Variants in MICAL3 observed in about 807,000 individuals in gnomAD.
The protein encoded by MICAL3 is microtubule associated monooxygenase, calponin and LIM domain containing 3.
Under a neutral mutation model 207.4 loss-of-function variants are expected in MICAL3, and 62 were observed. That is an observed-to-expected ratio of 0.30 (90% confidence interval 0.24 to 0.37). The LOEUF is 0.37. MICAL3 is among the 10% of genes least tolerant of loss of function. The pLI is 1.00. For synonymous variants in MICAL3, 1,077 were observed against 1,069.3 expected, an observed-to-expected ratio of 1.01 and a Z score of -0.14; for missense variants, 2,368 against 2,635.6, an observed-to-expected ratio of 0.90 and a Z score of 2.22.
At chr22:17,916,640 A>G (rs933133956) in intron 1 of MICAL3, among the ~76,000 whole-genome samples, 3 of 152,164 alleles carry the variant, frequency 2.0e-5, no homozygotes, top group Non-Finnish European at 4.4e-5. Context: ...ACCTGTCTGC[A>G]GCACAAGTCA....
At chr22:17,971,415 G>A (rs1028387826) in intron 1 of MICAL3, among the ~76,000 whole-genome samples, 6 of 152,182 alleles carry the variant, frequency 3.9e-5, no homozygotes, top group South Asian at 4.2e-4. Flanking sequence ...CCCGGGAGGC[G>A]GAGGTTGCAG....
chr22:17,831,990 C>T lies in MICAL3; in HGVS notation c.2919G>A (p.Leu973=), dbSNP rs1182898080. The change falls in exon 21 of 32, where the codon CTG becomes CTA. Residue 973 remains leucine (L), a synonymous_variant. Transcript: ENST00000441493. ...WKEAVRIHAL[L]KGKSEEELEA... Reference sequence around the variant, plus strand: ...CTAGCTCCTCTTCACTTTTCCCTTTCAGAAGGGCATGGATCCGCACGGCCT... The same window carrying T: ...CTAGCTCCTCTTCACTTTTCCCTTTTAGAAGGGCATGGATCCGCACGGCCT... 6.2e-7 allele frequency: 1 copy of T among 1,604,680 alleles called. No individual in the cohort carries two copies. The highest frequency in any genetic ancestry group is 8.5e-7 in the Non-Finnish European group (1 of 1,175,734).
chr22:17,863,051 C>T, intron 19 of MICAL3: 1 of 985,428 alleles, frequency 1.0e-6, no homozygotes, highest in Non-Finnish European at 1.2e-6. Flanking sequence ...CATCCTCTCT[C>T]CCCACTATGT....
intron 1 of MICAL3, among the ~76,000 whole-genome samples, chr22:17,983,944 A>C (rs972304387): frequency 6.6e-6 from 1 of 152,198 alleles, no homozygotes; most frequent in African/African-American, 2.4e-5. Flanking sequence ...GAGAAGAAAA[A>C]AATATGAAAA....
At chr22:17,856,814 G>T (rs890570339) in intron 19 of MICAL3, among the ~76,000 whole-genome samples, 1 of 151,800 alleles carries the variant, frequency 6.6e-6, no homozygotes, top group Non-Finnish European at 1.5e-5. Context: ...GTAGAGACGG[G>T]GTTTCACCTT....
intron 1 of MICAL3, among the ~76,000 whole-genome samples, chr22:17,913,993 C>G (rs1376983721): frequency 1.3e-5 from 2 of 152,140 alleles, no homozygotes; most frequent in East Asian, 3.9e-4. Flanking sequence ...ATGAAAATCA[C>G]AGGGTTTTGT....
In MICAL3 at chr22:17,841,583, GGAC is replaced by G; in HGVS notation, c.2801+236_2801+238del. ...TTCCCAATGACAGACTTGGAGCTGGGGACATGTCAGGTCCTCAAGGAATAAATA... is the reference window on the plus strand; with the variant it reads ...TTCCCAATGACAGACTTGGAGCTGGGATGTCAGGTCCTCAAGGAATAAATA... On this transcript the variant is annotated intron_variant, in intron 20 of 31. Transcript: ENST00000441493. The surrounding 1 kb of genome is among the most constrained non-coding windows in gnomAD (Gnocchi z 4.2). The G allele has an allele frequency of 1.7e-6, 1 of 580,936 alleles. No individual in the cohort carries two copies. The allele number at this position is 580,936 out of a possible 1,614,324, so 36.0% of individuals were successfully genotyped here.
chr22:17,993,703 C>T (rs1921949544), intron 1 of MICAL3, among the ~76,000 whole-genome samples: 1 of 152,094 alleles, frequency 6.6e-6, no homozygotes, highest in African/African-American at 2.4e-5. Context: ...GACTCTGCCC[C>T]CTGAGAAGCA....
chr22:17,828,265 C>T (rs935296076), intron 21 of MICAL3, among the ~76,000 whole-genome samples: 6 of 152,242 alleles, frequency 3.9e-5, no homozygotes, highest in Non-Finnish European at 8.8e-5. Flanking sequence ...CACCACCACT[C>T]GCCCAGCTGA....
At chr22:17,886,988 CAAAAAAAAAAAAAAAAA>C (rs55999508) in intron 15 of MICAL3, among the ~76,000 whole-genome samples, 165 bp downstream of exon 15, 5 of 41,350 alleles carry the variant, frequency 1.2e-4, no homozygotes, top group Non-Finnish European at 2.3e-4. Flanking sequence ...ACTCTTGTCT[CAAAAAAAAAAAAAAAAA>C]AAAAAAAAAA....
At chr22:18,018,659 T>C (rs1443779487) in intron 1 of MICAL3, among the ~76,000 whole-genome samples, 1 of 151,686 alleles carries the variant, frequency 6.6e-6, no homozygotes, top group African/African-American at 2.4e-5. Flanking sequence ...GAGGCGGAGG[T>C]TGTAGTGAGT....
At chr22:17,866,637 A>C (rs1293109807) in intron 17 of MICAL3, among the ~76,000 whole-genome samples, 1 of 151,964 alleles carries the variant, frequency 6.6e-6, no homozygotes, top group African/African-American at 2.4e-5. Context: ...ATAGAATAGA[A>C]TAGAATAGAA....
chr22:17,860,471 C>G, intron 19 of MICAL3: 1 of 985,516 alleles, frequency 1.0e-6, no homozygotes, highest in Non-Finnish European at 1.2e-6. Context: ...GCAGGCACCC[C>G]AAGCTGAATG....
At chr22:17,797,846 G>A (rs770336183) in intron 29 of MICAL3, among the ~76,000 whole-genome samples, 8 of 152,250 alleles carry the variant, frequency 5.3e-5, no homozygotes, top group African/African-American at 1.4e-4. Context: ...CAGCCACAGC[G>A]GGCAGGCACG....
chr22:17,951,324 T>G (rs80081956), intron 1 of MICAL3, among the ~76,000 whole-genome samples: 2,024 of 152,212 alleles, frequency 0.013, 41 homozygotes, highest in African/African-American at 0.046. Flanking sequence ...CACGTCCATC[T>G]TCATGCTTAC....
chr22:17,875,464 AG>A, intron 16 of MICAL3: 8 of 1,544,808 alleles, frequency 5.2e-6, no homozygotes, highest in Non-Finnish European at 7.0e-6. Flanking sequence ...AGGGAGTCGG[AG>A]GAGGGAGAGG....
chr22:17,817,402 C>A lies in MICAL3; in HGVS notation c.5259G>T (p.Lys1753Asn), dbSNP rs776044509. Residue 1753 changes from lysine (K) to asparagine (N), a missense_variant, in exon 26 of 32, where the codon AAG (lysine) becomes AAT (asparagine). Physicochemically the swap from Lys to Asn is moderately conservative, Grantham distance 94. Around this residue, in one of 4 missense-constraint regions of MICAL3, gnomAD observed 1,770 missense variants for 1,863.2 expected, o/e 0.95. Transcript: ENST00000441493. ...VFSGYKKDKK[K>N]KADDKSCPST... The stretch of plus-strand genomic sequence containing the variant: ...TGGGGCAGGACTTGTCGTCGGCCTT[C>A]TTCTTCTTGTCCTTCTTGTACCCGG... 6 of 1,613,266 alleles carry A rather than the reference C, an allele frequency of 3.7e-6. No individual in the cohort carries two copies. Among genetic ancestry groups the A allele is most frequent in the Non-Finnish European group, 5.1e-6 (6 of 1,179,862 alleles).
chr22:17,986,151 C>T (rs1373368182), intron 1 of MICAL3, among the ~76,000 whole-genome samples: 7 of 152,210 alleles, frequency 4.6e-5, no homozygotes, highest in Admixed American at 1.3e-4. Flanking sequence ...GTGATCCACA[C>T]ACCTCGGCCT....
At chr22:17,884,170 T>G in intron 16 of MICAL3, 19 of 653,092 alleles carry the variant, frequency 2.9e-5, no homozygotes, top group Non-Finnish European at 4.6e-5. Flanking sequence ...CCTGCCCTCA[T>G]GAGCTAGGAT....
Sources: gnomAD v4.1 joint callset for allele counts (sites outside exome capture counted in the v4.1 genomes callset) on GRCh38, gnomAD v4.1.1 for gene constraint, gnomAD v4.1.1 regional missense constraint, Gnocchi (gnomAD v3.1) non-coding constraint, MANE v1.5 for transcripts, NCBI Gene and HGNC (gene_info 2026-07-23, HGNC 2026-07-21) for gene names.